Variants in LSM11 observed in about 807,000 individuals in gnomAD.
The protein encoded by LSM11 is LSM11, U7 small nuclear RNA associated, also known as U7 snRNA-associated Sm-like protein LSm11.
Under a neutral mutation model 28.1 loss-of-function variants are expected in LSM11, and 14 were observed. That is an observed-to-expected ratio of 0.50 (90% CI 0.33 to 0.78). LSM11 has a LOEUF of 0.78. LSM11 is among the 30% of genes least tolerant of loss of function. The pLI, the probability that LSM11 is intolerant of heterozygous loss-of-function variation, is 0.02. For missense variants in LSM11, 495 were observed against 510.6 expected (o/e 0.97, Z 0.30); for synonymous variants, 207 against 214.2 (o/e 0.97, Z 0.30).
In LSM11 at chr5:157,743,952, CG is replaced by C; in HGVS notation, c.206del (p.Gly69AlafsTer99). The C allele has an allele frequency of 7.4e-7, 1 of 1,349,662 alleles. No individual in the cohort carries two copies. The highest frequency in any genetic ancestry group is 9.5e-7 in the Non-Finnish European group (1 of 1,047,308). 83.6% of individuals were successfully genotyped at this position (1,349,662 alleles called of 1,614,324 possible). A position where few individuals can be genotyped will look rare whatever the true frequency, so the allele number is the denominator to read the frequency against. On this transcript the variant is annotated frameshift_variant, in exon 1 of 4. Transcript: ENST00000286307. LOFTEE classifies it high-confidence loss of function. ...EYESFLRTGV[R>X]GGGRGRGRAR... Reference sequence around the variant, plus strand: ...CGAGAGCTTCCTCAGGACCGGAGTCCGGGGCGGCGGGCGCGGGCGCGGGCGG... The same window carrying C: ...CGAGAGCTTCCTCAGGACCGGAGTCCGGGCGGCGGGCGCGGGCGCGGGCGG...
At position 157,758,633 on chromosome 5, in the gene LSM11, T is replaced by C. The variant is rs1238401916; in HGVS notation, c.*3369T>C. On this transcript the variant is annotated 3_prime_UTR_variant, in exon 4 of 4. Coordinates refer to ENST00000286307, the MANE Select transcript of LSM11 (RefSeq NM_173491.4). ...GGCTCGATGCAGCTGAAATACTGAA[T>C]ACTGAAATACTAGAAACCAACAAAA... 6.6e-6 allele frequency: 1 copy of C among 152,170 alleles called. No homozygotes were observed. The highest frequency in any genetic ancestry group is 1.5e-5 in the Non-Finnish European group (1 of 68,020). The allele number at this position is 152,170 out of a possible 1,614,324, so 9.4% of individuals were successfully genotyped here. A position where few individuals can be genotyped will look rare whatever the true frequency, so the allele number is the denominator to read the frequency against.
chr5:157,755,315 C>G lies in LSM11; in HGVS notation c.*51C>G. 2 of 1,548,982 alleles carry G rather than the reference C, an allele frequency of 1.3e-6. No homozygotes were observed. The highest frequency in any genetic ancestry group is 1.8e-6 in the Non-Finnish European group (2 of 1,137,120). ...TAGAAATAAAGTGCATGAATTGCTGCTATGCTGTATCCTAGTATCCCAGTG... is the reference window on the plus strand; with the variant it reads ...TAGAAATAAAGTGCATGAATTGCTGGTATGCTGTATCCTAGTATCCCAGTG... On this transcript the variant is annotated 3_prime_UTR_variant, in exon 4 of 4. Transcript: ENST00000286307.
chr5:157,760,236 G>C lies in LSM11; in HGVS notation c.*4972G>C, dbSNP rs1243200764. The C allele has an allele frequency of 6.6e-6, 1 of 152,204 alleles. No individual in the cohort carries two copies. Among genetic ancestry groups the C allele is most frequent in the Non-Finnish European group, 1.5e-5 (1 of 68,036 alleles). 9.4% of individuals were successfully genotyped at this position (152,204 alleles called of 1,614,324 possible). On this transcript the variant is annotated 3_prime_UTR_variant, in exon 4 of 4. Coordinates refer to ENST00000286307, the MANE Select transcript of LSM11 (RefSeq NM_173491.4). Reference sequence around the variant, plus strand: ...TCTGATGTTGTGTTTTTAGAGCTGTGAAAAGTCTGAAAAATTTCAAGGGGT... The same window carrying C: ...TCTGATGTTGTGTTTTTAGAGCTGTCAAAAGTCTGAAAAATTTCAAGGGGT...
In LSM11 at chr5:157,751,485, G is replaced by A. The variant is rs761389099; in HGVS notation, c.544G>A (p.Val182Ile). Residue 182 changes from valine to isoleucine, a missense_variant, in exon 2 of 4, where the codon GTC becomes ATC. By Grantham distance (29) the Val-to-Ile change is conservative. Transcript: ENST00000286307. Reference sequence around the variant, plus strand: ...CCGCACTTTCAAGGGACTTCGGGGCGTCTGTACAGGCTTCCTTGTTGCATT... The same window carrying A: ...CCGCACTTTCAAGGGACTTCGGGGCATCTGTACAGGCTTCCTTGTTGCATT... ...HIRTFKGLRG[V>I]CTGFLVAFDK... 1.3e-5 allele frequency: 21 copies of A among 1,612,954 alleles called. No individual in the cohort carries two copies. The South Asian group carries it at 1.5e-4, about 12-fold the overall frequency.
chr5:157,746,081 AG>A (rs940895031), intron 1 of LSM11, among the ~76,000 whole-genome samples: 7 of 152,286 alleles, frequency 4.6e-5, no homozygotes, highest in South Asian at 2.1e-4. Context: ...AAAAGTTGGA[AG>A]GGGGGAAAAA....
At chr5:157,747,631 A>G in intron 1 of LSM11, 1 of 195,852 alleles carries the variant, frequency 5.1e-6, no homozygotes, top group South Asian at 1.1e-4. Context: ...GATTGCTGAA[A>G]TAATTTCCCA....
Position 157,755,386 on chromosome 5 carries a change from G to T in LSM11, c.*122G>T. ...TCCCTCTGGTCCTGCATATGCAGAG[G>T]ACGGAGCAGGCTCAGCCCCCTGGAA... On this transcript the variant is annotated 3_prime_UTR_variant, in exon 4 of 4. Coordinates refer to ENST00000286307, the MANE Select transcript of LSM11 (RefSeq NM_173491.4). 8.9e-7 allele frequency: 1 copy of T among 1,121,578 alleles called. No individual in the cohort carries two copies. Among genetic ancestry groups the T allele is most frequent in the Non-Finnish European group, 1.2e-6 (1 of 800,452 alleles). 69.5% of individuals were successfully genotyped at this position (1,121,578 alleles called of 1,614,324 possible).
At position 157,759,205 on chromosome 5, in the gene LSM11, C is replaced by G. The variant is rs1761375133; in HGVS notation, c.*3941C>G. On this transcript the variant is annotated 3_prime_UTR_variant, in exon 4 of 4. Coordinates refer to ENST00000286307, the MANE Select transcript of LSM11 (RefSeq NM_173491.4). The stretch of plus-strand genomic sequence containing the variant: ...CTATGAGTTGTGGATAGGAGTGGCT[C>G]CATCTATCCTTGTGGTGAAAGAGTC... 6.6e-6 allele frequency: 1 copy of G among 152,182 alleles called. No homozygotes were observed. Among genetic ancestry groups the G allele is most frequent in the South Asian group, 2.1e-4 (1 of 4,836 alleles). 9.4% of individuals were successfully genotyped at this position (152,182 alleles called of 1,614,324 possible). A position where few individuals can be genotyped will look rare whatever the true frequency, so the allele number is the denominator to read the frequency against.
chr5:157,750,728 C>T (rs1339551648), intron 1 of LSM11, among the ~76,000 whole-genome samples: 1 of 152,148 alleles, frequency 6.6e-6, no homozygotes, highest in Non-Finnish European at 1.5e-5. Flanking sequence ...TCTTAAGGCA[C>T]AGAATTGAGA....
At position 157,751,522 on chromosome 5, in the gene LSM11, G is replaced by A. The variant is rs1761231405; in HGVS notation, c.581G>A (p.Trp194Ter). 6.2e-7 allele frequency: 1 copy of A among 1,611,910 alleles called. No homozygotes were observed. The highest frequency in any genetic ancestry group is 1.1e-5 in the South Asian group (1 of 90,536). The change falls in exon 2 of 4, where the codon TGG (tryptophan) becomes TAG (stop). Residue 194 changes from tryptophan to a stop codon, truncating the protein, a stop_gained. Coordinates refer to ENST00000286307, the MANE Select transcript of LSM11 (RefSeq NM_173491.4). LOFTEE classifies it high-confidence loss of function. ...TGFLVAFDKF[W>*]NMALTDVDET... ...TTCCTTGTTGCATTCGACAAGTTCT[G>A]GAATATGGTAATTAAGCCTTTCTCA...
chr5:157,755,234 G>A lies in LSM11; in HGVS notation c.1053G>A (p.Glu351=). 6.2e-7 allele frequency: 1 copy of A among 1,614,164 alleles called. No individual in the cohort carries two copies. The highest frequency in any genetic ancestry group is 1.1e-5 in the South Asian group (1 of 91,076). The change falls in exon 4 of 4, where the codon GAG becomes GAA. Residue 351 remains glutamate, a synonymous_variant. Transcript: ENST00000286307. ...TAAATCAGATTTTCATTCGAGGCGA[G>A]AATGTCCTGCTGGTTCATCTTGCAC... The part of the protein sequence containing the change: ...RHINQIFIRG[E]NVLLVHLAQ
rs1414087605 is a variant in LSM11 at position 157,758,033 on chromosome 5, TC to T, written c.*2770del. On this transcript the variant is annotated 3_prime_UTR_variant, in exon 4 of 4. Transcript: ENST00000286307. ...GACAGTGGTTCTGGAATGAATTCTA[TC>T]TAGTAAATTAGTAAATGTGCTGTTT... 1 of 152,254 alleles carries T rather than the reference TC, an allele frequency of 6.6e-6. No homozygotes were observed. Among genetic ancestry groups the T allele is most frequent in the Non-Finnish European group, 1.5e-5 (1 of 68,036 alleles). 9.4% of individuals were successfully genotyped at this position (152,254 alleles called of 1,614,324 possible). A position where few individuals can be genotyped will look rare whatever the true frequency, so the allele number is the denominator to read the frequency against.
At position 157,755,913 on chromosome 5, in the gene LSM11, C is replaced by T. The variant is rs1761319288; in HGVS notation, c.*649C>T. 1.0e-5 allele frequency: 4 copies of T among 387,728 alleles called. No homozygotes were observed. The allele number at this position is 387,728 out of a possible 1,614,324, so 24.0% of individuals were successfully genotyped here. A position where few individuals can be genotyped will look rare whatever the true frequency, so the allele number is the denominator to read the frequency against. The stretch of plus-strand genomic sequence containing the variant: ...TCTTATTATGGAAAGGAGTACAGGA[C>T]CTCTTCAGTCTTCCCCTTACCAGAG... On this transcript the variant is annotated 3_prime_UTR_variant, in exon 4 of 4. Coordinates refer to ENST00000286307, the MANE Select transcript of LSM11 (RefSeq NM_173491.4).
intron 1 of LSM11, among the ~76,000 whole-genome samples, chr5:157,747,993 CTGTGTG>C (rs5872520): frequency 0.2 from 29,592 of 148,638 alleles, 2,903 homozygotes; most frequent in East Asian, 0.26. Context: ...CACCACACTG[CTGTGTG>C]TGTGTGTGTG....
intron 1 of LSM11, among the ~76,000 whole-genome samples, chr5:157,748,373 C>T (rs1761177139): frequency 6.6e-6 from 1 of 152,156 alleles, no homozygotes; most frequent in African/African-American, 2.4e-5. Flanking sequence ...GCAACTCCAT[C>T]TTGAATGCCA....
rs911570324 is a variant in LSM11, at chr5:157,758,423, G to A, written c.*3159G>A. On this transcript the variant is annotated 3_prime_UTR_variant, in exon 4 of 4. Transcript: ENST00000286307. ...GCCCGGTCCCCTTTTCTTTATTATC[G>A]AAGATATTGTTTAAAAGAAAGAAAA... 5 of 152,044 alleles carry A rather than the reference G, an allele frequency of 3.3e-5. No homozygotes were observed. In the South Asian group the frequency reaches 6.2e-4, roughly 19 times the overall value. The allele number at this position is 152,044 out of a possible 1,614,324, so 9.4% of individuals were successfully genotyped here.
rs1280097337 is a variant in LSM11, at chr5:157,756,558, T to C, written c.*1294T>C. 1 of 152,626 alleles carries C rather than the reference T, an allele frequency of 6.6e-6. No homozygotes were observed. The highest frequency in any genetic ancestry group is 1.9e-4 in the East Asian group (1 of 5,202). 9.5% of individuals were successfully genotyped at this position (152,626 alleles called of 1,614,324 possible). A position where few individuals can be genotyped will look rare whatever the true frequency, so the allele number is the denominator to read the frequency against. On this transcript the variant is annotated 3_prime_UTR_variant, in exon 4 of 4. Transcript: ENST00000286307. ...ATGAAAAGAAAACTTTCCCCTGCTG[T>C]ATTTGTTGTGTAACATAAATAAGCC... is the stretch of plus-strand genomic sequence containing the variant.
intron 1 of LSM11, among the ~76,000 whole-genome samples, chr5:157,750,668 G>A (rs1196889358): frequency 2.0e-5 from 3 of 152,178 alleles, no homozygotes; most frequent in Non-Finnish European, 4.4e-5. Context: ...ATGTAAACAA[G>A]GTTTTTGTTT....
In LSM11 at chr5:157,754,868, G is replaced by A; in HGVS notation, c.687G>A (p.Leu229=). Residue 229 remains leucine, a synonymous_variant, in exon 4 of 4, where the codon CTG becomes CTA. Transcript: ENST00000286307. ...SLTLTRLFDR[L]KLQDSSKKEA... ...TTGCTTTATAGCTATTTGATCGGCT[G>A]AAACTTCAAGATTCCTCCAAGAAGG... 2 of 1,613,468 alleles carry A rather than the reference G, an allele frequency of 1.2e-6. No homozygotes were observed. The highest frequency in any genetic ancestry group is 1.1e-5 in the South Asian group (1 of 91,004).
Sources: allele counts gnomAD v4.1 joint callset (sites outside exome capture counted in the v4.1 genomes callset), GRCh38; gene constraint gnomAD v4.1.1; transcripts MANE v1.5; gene names NCBI Gene and HGNC (gene_info 2026-07-23, HGNC 2026-07-21).